Variants in GRM5 observed in about 807,000 individuals in gnomAD.
GRM5 encodes metabotropic glutamate receptor 5.
GRM5 carries 19 observed loss-of-function variants against 83.1 expected under a neutral mutation model. The observed-to-expected ratio is 0.23, with a 90% CI of 0.16 to 0.34. The LOEUF (loss-of-function observed/expected upper bound fraction) is 0.34. Ranked by LOEUF, GRM5 falls within the 10% of genes least tolerant of loss-of-function variation. GRM5 has a pLI of 1.00. For synonymous variants in GRM5, 675 were observed against 633.6 expected, an observed-to-expected ratio of 1.07 and a Z score of -0.98; for missense variants, 1,160 against 1,588.3, an observed-to-expected ratio of 0.73 and a Z score of 4.58.
At chr11:88,921,303 C>CATTTGATAAA in intron 2 of GRM5, among the ~76,000 whole-genome samples, 1 of 152,232 alleles carries the variant, frequency 6.6e-6, no homozygotes, top group African/African-American at 2.4e-5. Flanking sequence ...TAAAATTCAG[C>CATTTGATAAA]ATTCTTTTAT....
At chr11:89,054,557 T>G (rs1565353886) in intron 1 of GRM5, among the ~76,000 whole-genome samples, 1 of 152,126 alleles carries the variant, frequency 6.6e-6, no homozygotes. Flanking sequence ...AAGTCCTTTT[T>G]GTAAGCCATG....
intron 8 of GRM5, among the ~76,000 whole-genome samples, chr11:88,531,761 T>C (rs931258394): frequency 6.6e-6 from 1 of 152,136 alleles, no homozygotes; most frequent in African/African-American, 2.4e-5. Context: ...TCCAGTTTTG[T>C]CATAGGCTTA....
chr11:88,565,454 C>T (rs937259786), intron 8 of GRM5, among the ~76,000 whole-genome samples: 13 of 152,326 alleles, frequency 8.5e-5, no homozygotes, highest in African/African-American at 2.9e-4. Context: ...GAGTTTTTTA[C>T]GTGCTCAGAC....
intron 7 of GRM5, among the ~76,000 whole-genome samples, chr11:88,581,555 G>C (rs1943213362): frequency 6.6e-6 from 1 of 152,186 alleles, no homozygotes; most frequent in Non-Finnish European, 1.5e-5. Flanking sequence ...CAAATTCTCA[G>C]CTGTACTTTG....
intron 2 of GRM5, among the ~76,000 whole-genome samples, chr11:89,025,181 G>A (rs1015135692): frequency 6.6e-6 from 1 of 152,204 alleles, no homozygotes; most frequent in African/African-American, 2.4e-5. Context: ...CTAGTCCGAA[G>A]AGAAAACCTC....
At chr11:88,944,891 G>C (rs1800565031) in intron 2 of GRM5, among the ~76,000 whole-genome samples, 1 of 151,988 alleles carries the variant, frequency 6.6e-6, no homozygotes, top group African/African-American at 2.4e-5. Flanking sequence ...AAAATAAAAG[G>C]CATCCAAATA....
At chr11:89,050,728 C>A (rs541751182) in intron 1 of GRM5, among the ~76,000 whole-genome samples, 1 of 152,210 alleles carries the variant, frequency 6.6e-6, no homozygotes, top group Non-Finnish European at 1.5e-5. Context: ...CAGTGATAGA[C>A]TGGATAAAGA....
intron 3 of GRM5, among the ~76,000 whole-genome samples, chr11:88,655,862 T>G (rs1395552766): frequency 6.6e-6 from 1 of 152,104 alleles, no homozygotes; most frequent in Non-Finnish European, 1.5e-5. Flanking sequence ...AATATCTATG[T>G]GACAAAACAG....
At chr11:88,913,024 C>T (rs758551173) in intron 2 of GRM5, among the ~76,000 whole-genome samples, 1 of 152,264 alleles carries the variant, frequency 6.6e-6, no homozygotes, top group Non-Finnish European at 1.5e-5. Context: ...AACAAATGCT[C>T]CCTGATTTTT....
chr11:89,027,922 T>C (rs1388618414), intron 2 of GRM5, among the ~76,000 whole-genome samples: 1 of 152,132 alleles, frequency 6.6e-6, no homozygotes, highest in African/African-American at 2.4e-5. Flanking sequence ...ATCAGGGCTC[T>C]CCCATCATTT....
intron 4 of GRM5, among the ~76,000 whole-genome samples, chr11:88,611,737 T>C (rs1182839000): frequency 6.6e-6 from 1 of 152,204 alleles, no homozygotes; most frequent in African/African-American, 2.4e-5. Context: ...ATTTTGATTA[T>C]TTCTTATCTT....
At chr11:88,781,680 A>G (rs903513519) in intron 3 of GRM5, among the ~76,000 whole-genome samples, 15 of 152,222 alleles carry the variant, frequency 9.9e-5, no homozygotes, top group Non-Finnish European at 1.5e-4. Context: ...GACTTTTTGA[A>G]GAGTTCCTGC....
At chr11:88,716,392 T>C (rs1329978290) in intron 3 of GRM5, among the ~76,000 whole-genome samples, 1 of 151,868 alleles carries the variant, frequency 6.6e-6, no homozygotes, top group Non-Finnish European at 1.5e-5. Context: ...AGGCTGAGCA[T>C]TGAGATAGGA....
At chr11:88,783,353 TTGAACTTC>T (rs1273371189) in intron 3 of GRM5, among the ~76,000 whole-genome samples, 1 of 152,118 alleles carries the variant, frequency 6.6e-6, no homozygotes, top group Non-Finnish European at 1.5e-5. Context: ...TACATTATCA[TTGAACTTC>T]TGTGAAATAA....
chr11:88,957,094 G>A (rs1938640787), intron 2 of GRM5, among the ~76,000 whole-genome samples: 1 of 152,216 alleles, frequency 6.6e-6, no homozygotes, highest in African/African-American at 2.4e-5. Context: ...AAATGTGAAA[G>A]GATGGGACCT....
chr11:89,003,231 T>C (rs114269999), intron 2 of GRM5, among the ~76,000 whole-genome samples: 2,100 of 152,186 alleles, frequency 0.014, 63 homozygotes, highest in African/African-American at 0.048. Context: ...GAGGAAAATA[T>C]TGCAGTTGGG....
intron 3 of GRM5, among the ~76,000 whole-genome samples, chr11:88,798,780 A>T (rs1943329614): frequency 7.6e-6 from 1 of 130,872 alleles, no homozygotes; most frequent in South Asian, 2.4e-4. Context: ...GTGTTTCTCT[A>T]CTCTTTGCTA....
At chr11:88,962,105 G>A (rs2134986668) in intron 2 of GRM5, among the ~76,000 whole-genome samples, 2 of 152,298 alleles carry the variant, frequency 1.3e-5, no homozygotes, top group Middle Eastern at 3.4e-3. Flanking sequence ...GAAAGTCAGT[G>A]GCAGAGGTAT....
intron 3 of GRM5, among the ~76,000 whole-genome samples, chr11:88,756,160 G>T (rs553273681): frequency 1.1e-4 from 17 of 152,124 alleles, no homozygotes; most frequent in Non-Finnish European, 2.4e-4. Context: ...CAGTCTGACT[G>T]TGTTTCGTGT....
Sources: allele counts gnomAD v4.1 joint callset (sites outside exome capture counted in the v4.1 genomes callset), GRCh38; gene constraint gnomAD v4.1.1; transcripts MANE v1.5; gene names NCBI Gene and HGNC (gene_info 2026-07-23, HGNC 2026-07-21).